The following CREB5 variants were observed in gnomAD, a reference collection of about 807,000 sequenced individuals.
CREB5 encodes cyclic AMP-responsive element-binding protein 5.
Under a neutral mutation model 57.1 loss-of-function variants are expected in CREB5, and 19 were observed. That is an observed-to-expected ratio of 0.33 (90% CI 0.23 to 0.49). The LOEUF (loss-of-function observed/expected upper bound fraction) is 0.49, where lower values mean the gene tolerates loss of function less well. Among genes scored for constraint, CREB5 ranks in the 20% least tolerant of loss-of-function variants. The pLI is 0.99. For synonymous variants in CREB5, 238 were observed against 238.3 expected, an observed-to-expected ratio of 1.00 and a Z score of 0.01; for missense variants, 579 against 671.6, an observed-to-expected ratio of 0.86 and a Z score of 1.52.
chr7:28,755,405 T>C (rs1230115651), intron 7 of CREB5, among the ~76,000 whole-genome samples: 3 of 152,156 alleles, frequency 2.0e-5, no homozygotes, highest in Admixed American at 1.3e-4. Flanking sequence ...GGATCATCAG[T>C]AGACCTGTTG....
intron 1 of CREB5, among the ~76,000 whole-genome samples, chr7:28,368,961 G>A (rs752126363): frequency 5.9e-5 from 9 of 152,148 alleles, no homozygotes; most frequent in Non-Finnish European, 1.2e-4. Context: ...TGGGAGGATC[G>A]CTTGACCCTG....
chr7:28,661,245 C>T (rs1472190779), intron 5 of CREB5, among the ~76,000 whole-genome samples: 2 of 152,156 alleles, frequency 1.3e-5, no homozygotes, highest in African/African-American at 2.4e-5. Context: ...AAGCCCCATT[C>T]CTAGTTGTCC....
chr7:28,599,724 GTT>G (rs1448567376), intron 5 of CREB5, among the ~76,000 whole-genome samples: 2 of 2,496 alleles, frequency 8.0e-4, no homozygotes, highest in East Asian at 0.5. Context: ...AGACCCAGGT[GTT>G]TTGTTTTGTT....
At chr7:28,682,242 A>G (rs767775963) in intron 5 of CREB5, among the ~76,000 whole-genome samples, 5 of 152,186 alleles carry the variant, frequency 3.3e-5, no homozygotes, top group Non-Finnish European at 5.9e-5. Flanking sequence ...AGGGCTGACA[A>G]TTTAAGCCAG....
chr7:28,361,281 C>A (rs901644639), intron 1 of CREB5, among the ~76,000 whole-genome samples: 6 of 152,168 alleles, frequency 3.9e-5, no homozygotes, highest in Non-Finnish European at 8.8e-5. Context: ...TTTCTAGAAT[C>A]CTTCCTACAT....
chr7:28,611,355 C>T (rs1562526546), intron 5 of CREB5, among the ~76,000 whole-genome samples: 1 of 151,626 alleles, frequency 6.6e-6, no homozygotes, highest in Non-Finnish European at 1.5e-5. Flanking sequence ...TTTAAAGATA[C>T]ATATGCCAGG....
intron 7 of CREB5, among the ~76,000 whole-genome samples, chr7:28,780,513 G>A (rs183966933): frequency 1.2e-3 from 189 of 152,196 alleles, no homozygotes; most frequent in African/African-American, 3.9e-3. Context: ...CTTGAGGTCC[G>A]GAGTTTGAGA....
intron 1 of CREB5, among the ~76,000 whole-genome samples, chr7:28,361,229 C>A (rs752871204): frequency 4.6e-5 from 7 of 152,156 alleles, no homozygotes; most frequent in African/African-American, 1.7e-4. Context: ...GCATATGTTG[C>A]GTTCATAGCC....
chr7:28,401,492 C>T (rs1006412426), intron 1 of CREB5, among the ~76,000 whole-genome samples: 3 of 151,862 alleles, frequency 2.0e-5, no homozygotes, highest in Admixed American at 2.0e-4. Context: ...TATACATGCG[C>T]CATGTTGGTG....
intron 5 of CREB5, among the ~76,000 whole-genome samples, chr7:28,581,460 G>C (rs747567079): frequency 2.6e-5 from 4 of 152,172 alleles, no homozygotes; most frequent in Admixed American, 6.5e-5. Flanking sequence ...TTTTCCCGTA[G>C]ACTTGGTTGG....
At chr7:28,492,659 A>G (rs1295219588) in intron 2 of CREB5, among the ~76,000 whole-genome samples, 1 of 151,174 alleles carries the variant, frequency 6.6e-6, no homozygotes, top group Non-Finnish European at 1.5e-5. Flanking sequence ...AAAGTCAAAA[A>G]ATGGCTTATA....
chr7:28,778,404 C>T (rs185834253), intron 7 of CREB5, among the ~76,000 whole-genome samples: 47 of 152,308 alleles, frequency 3.1e-4, no homozygotes, highest in African/African-American at 4.1e-4. Flanking sequence ...TACTCCTACA[C>T]ACCTGAATTT....
chr7:28,578,604 T>C (rs532154131), intron 5 of CREB5, among the ~76,000 whole-genome samples: 201 of 152,356 alleles, frequency 1.3e-3, no homozygotes, highest in African/African-American at 4.7e-3. Context: ...TATTCTATAA[T>C]ACTATATGTC....
chr7:28,590,479 G>A (rs1796461331), intron 5 of CREB5, among the ~76,000 whole-genome samples: 1 of 138,440 alleles, frequency 7.2e-6, no homozygotes, highest in Admixed American at 7.9e-5. Flanking sequence ...ATTGAACAAT[G>A]AGAACACTTG....
At chr7:28,629,999 A>T (rs1190223528) in intron 5 of CREB5, among the ~76,000 whole-genome samples, 1 of 152,186 alleles carries the variant, frequency 6.6e-6, no homozygotes, top group Non-Finnish European at 1.5e-5. Context: ...TTCCAATCCA[A>T]TGTACAACTT....
chr7:28,560,909 C>CGTGCGTGTGTGTGTGTGT (rs1562797731), intron 4 of CREB5, among the ~76,000 whole-genome samples: 1 of 32,654 alleles, frequency 3.1e-5, no homozygotes, highest in Non-Finnish European at 5.6e-5. Context: ...TGCGCGCGTG[C>CGTGCGTGTGTGTGTGTGT]GTGTGCGTGT....
intron 6 of CREB5, 21 bp from the exon 7 acceptor site, chr7:28,724,201 C>A: frequency 2.5e-6 from 4 of 1,605,162 alleles, no homozygotes; most frequent in Non-Finnish European, 3.4e-6. Context: ...ACTTCTAATT[C>A]TTTTCTTTCC....
Position 28,308,780 on chromosome 7 carries a change from C to T in CREB5, c.-25+9339C>T, listed in dbSNP as rs148208820. 1.8e-3 allele frequency among the ~76,000 whole-genome samples: 275 copies of T among 152,162 alleles called. 2 individuals carry two copies. The highest frequency in any genetic ancestry group is 6.5e-3 in the African/African-American group (272 of 41,562). The stretch of plus-strand genomic sequence containing the variant: ...TCCAGGTATAAGACCTTTTAGACTT[C>T]CGGTTTCGGCAATGAGTTGAGATCT... On this transcript the variant is annotated intron_variant, in intron 1 of 9. Coordinates refer to the CREB5 transcript ENST00000396299.
intron 1 of CREB5, among the ~76,000 whole-genome samples, chr7:28,302,028 T>G (rs969936841): frequency 6.6e-6 from 1 of 152,202 alleles, no homozygotes; most frequent in South Asian, 2.1e-4. Flanking sequence ...GGTTGGAAAT[T>G]GAAATTCGTT....
Sources: gnomAD v4.1 joint callset for allele counts (sites outside exome capture counted in the v4.1 genomes callset) on GRCh38, gnomAD v4.1.1 for gene constraint, MANE v1.5 for transcripts, NCBI Gene and HGNC (gene_info 2026-07-23, HGNC 2026-07-21) for gene names.